Variants in PLSCR2 observed in about 807,000 individuals in gnomAD.
PLSCR2 encodes phospholipid scramblase 2, also known as PL scramblase 2.
In PLSCR2, 18 loss-of-function variants were observed where a neutral mutation model predicts 25.3. The ratio of observed to expected loss-of-function variants is 0.71; its 90% CI spans 0.49 to 1.06. The LOEUF is 1.06. Ranked by LOEUF, PLSCR2 falls within the 50% of genes least tolerant of loss-of-function variation. PLSCR2 has a pLI of 0.00. For synonymous variants in PLSCR2, 88 were observed against 87.3 expected, an observed-to-expected ratio of 1.01 and a Z score of -0.04; for missense variants, 243 against 269.5, an observed-to-expected ratio of 0.90 and a Z score of 0.69.
intron 4 of PLSCR2, among the ~76,000 whole-genome samples, chr3:146,454,993 T>G (rs2041116974): frequency 6.6e-6 from 1 of 152,168 alleles, no homozygotes; most frequent in African/African-American, 2.4e-5. Flanking sequence ...GACCTTTCCT[T>G]TAATATCAAG....
chr3:146,489,159 C>A (rs1333651218), intron 1 of PLSCR2, among the ~76,000 whole-genome samples: 1 of 151,860 alleles, frequency 6.6e-6, no homozygotes, highest in Non-Finnish European at 1.5e-5. Flanking sequence ...TACACTGGGG[C>A]ATGTTGGGGC....
chr3:146,456,065 G>T (rs774258539), intron 3 of PLSCR2, among the ~76,000 whole-genome samples: 66 of 152,114 alleles, frequency 4.3e-4, no homozygotes, highest in Non-Finnish European at 4.4e-4. Flanking sequence ...GAAAGTAAGA[G>T]ATGAATATTA....
intron 2 of PLSCR2, among the ~76,000 whole-genome samples, chr3:146,409,372 G>A (rs2038769065): frequency 6.6e-6 from 1 of 151,998 alleles, no homozygotes; most frequent in Non-Finnish European, 1.5e-5. Flanking sequence ...TCAGAGGGAG[G>A]CAGTACAGGG....
At chr3:146,404,130 A>G (rs752305380) in intron 2 of PLSCR2, among the ~76,000 whole-genome samples, 2 of 152,198 alleles carry the variant, frequency 1.3e-5, no homozygotes, top group African/African-American at 2.4e-5. Context: ...TGCATCAGGG[A>G]TAAGAACCCC....
chr3:146,470,909 A>G (rs2042093118), intron 1 of PLSCR2, among the ~76,000 whole-genome samples: 2 of 152,230 alleles, frequency 1.3e-5, no homozygotes, highest in African/African-American at 2.4e-5. Context: ...TATCTACCAC[A>G]GAGGATTTTT....
chr3:146,493,563 T>G (rs1290353861), intron 1 of PLSCR2, among the ~76,000 whole-genome samples: 1 of 152,070 alleles, frequency 6.6e-6, no homozygotes. Context: ...TAAAAAAGGC[T>G]TTTGATAAAA....
chr3:146,451,161 C>T (rs944800004), intron 5 of PLSCR2, among the ~76,000 whole-genome samples: 3 of 127,772 alleles, frequency 2.3e-5, no homozygotes, highest in African/African-American at 9.0e-5. Flanking sequence ...GTCCCCCAGG[C>T]TGGAGTGCAA....
intron 1 of PLSCR2, among the ~76,000 whole-genome samples, chr3:146,479,569 C>A (rs1280547282): frequency 6.6e-6 from 1 of 152,134 alleles, no homozygotes; most frequent in African/African-American, 2.4e-5. Flanking sequence ...GCACCCAGTA[C>A]AGGAGCATTC....
exon 1 of PLSCR2, chr3:146,460,375 C>G (rs2041497194): frequency 8.4e-6 from 2 of 238,464 alleles, no homozygotes; most frequent in South Asian, 1.6e-4. Context: ...GAAAGTAAAC[C>G]CACCATGATC....
chr3:146,463,091 G>GTATT (rs944075934), upstream of PLSCR2, among the ~76,000 whole-genome samples: 1 of 152,184 alleles, frequency 6.6e-6, no homozygotes, highest in African/African-American at 2.4e-5. Flanking sequence ...ATTAAGAGAT[G>GTATT]TATTTATTTA....
At chr3:146,484,405 A>T (rs560360970) in intron 1 of PLSCR2, among the ~76,000 whole-genome samples, 1 of 152,080 alleles carries the variant, frequency 6.6e-6, no homozygotes, top group Middle Eastern at 3.4e-3. Flanking sequence ...ACCTAGCAAG[A>T]CAGGCCAACA....
chr3:146,406,026 C>A, intron 2 of PLSCR2, among the ~76,000 whole-genome samples: 1 of 152,012 alleles, frequency 6.6e-6, no homozygotes, highest in Admixed American at 6.6e-5. Context: ...GTCTTAACAT[C>A]AAATCTTGGG....
chr3:146,492,889 T>C (rs2043601409), intron 1 of PLSCR2, among the ~76,000 whole-genome samples: 1 of 151,896 alleles, frequency 6.6e-6, no homozygotes, highest in African/African-American at 2.4e-5. Flanking sequence ...AAAATCAAGC[T>C]TGCTTTGATA....
At chr3:146,488,789 C>A (rs933777147) in intron 1 of PLSCR2, among the ~76,000 whole-genome samples, 2 of 152,022 alleles carry the variant, frequency 1.3e-5, no homozygotes, top group Non-Finnish European at 2.9e-5. Context: ...ACCAGAAATA[C>A]CATTCGACCC....
At chr3:146,409,685 GA>G (rs1270508881) in intron 2 of PLSCR2, among the ~76,000 whole-genome samples, 1 of 152,094 alleles carries the variant, frequency 6.6e-6, no homozygotes, top group Non-Finnish European at 1.5e-5. Flanking sequence ...ATAATTCTCT[GA>G]AAAACCGAGA....
upstream of PLSCR2, chr3:146,462,065 TTC>T: frequency 1.8e-6 from 1 of 546,000 alleles, no homozygotes. Context: ...ATTGAAATAG[TTC>T]TGAAAGAGAC....
chr3:146,488,830 G>T (rs1339287510), intron 1 of PLSCR2, among the ~76,000 whole-genome samples: 1 of 151,948 alleles, frequency 6.6e-6, no homozygotes, highest in African/African-American at 2.4e-5. Flanking sequence ...TATAACAGAA[G>T]GAATATGAAT....
chr3:146,419,718 C>A (rs1486798514), intron 2 of PLSCR2, among the ~76,000 whole-genome samples: 1 of 151,814 alleles, frequency 6.6e-6, no homozygotes, highest in East Asian at 1.9e-4. Flanking sequence ...TGCCTGTATC[C>A]CTTGGTTTGT....
At chr3:146,433,731 G>T (rs754220251) in intron 8 of PLSCR2, among the ~76,000 whole-genome samples, 10 of 152,030 alleles carry the variant, frequency 6.6e-5, no homozygotes, top group Admixed American at 6.6e-5. Context: ...GAGTGCCCTG[G>T]GTACCCTTCA....
Sources: allele counts gnomAD v4.1 joint callset (sites outside exome capture counted in the v4.1 genomes callset), GRCh38; gene constraint gnomAD v4.1.1; transcripts MANE v1.5; gene names NCBI Gene and HGNC (gene_info 2026-07-23, HGNC 2026-07-21).